TAF3: variants seen among roughly 807,000 people sequenced by gnomAD.
TAF3 encodes TATA-box binding protein associated factor 3, also known as transcription initiation factor TFIID subunit 3.
Under a neutral mutation model 80.6 loss-of-function variants are expected in TAF3, and 7 were observed. That is an observed-to-expected ratio of 0.09 (90% CI 0.05 to 0.16). The LOEUF (loss-of-function observed/expected upper bound fraction) is 0.16. Ranked by LOEUF, TAF3 falls within the 10% of genes least tolerant of loss-of-function variation. TAF3 has a pLI of 1.00. For missense variants in TAF3, 921 were observed against 1,140.2 expected (o/e 0.81, Z 2.77); for synonymous variants, 444 against 446.1 (o/e 1.00, Z 0.06).
chr10:7,997,770 G>A (rs1368757319), intron 4 of TAF3, among the ~76,000 whole-genome samples: 2 of 152,078 alleles, frequency 1.3e-5, no homozygotes, highest in African/African-American at 2.4e-5. Flanking sequence ...AACTTACTAT[G>A]CAATTAAACA....
chr10:7,839,907 T>G (rs1255006176), intron 2 of TAF3, among the ~76,000 whole-genome samples: 1 of 152,108 alleles, frequency 6.6e-6, no homozygotes, highest in Non-Finnish European at 1.5e-5. Flanking sequence ...GCATGGAGAG[T>G]AGAAGTCCCA....
At chr10:7,951,932 A>T (rs1838086634) in intron 2 of TAF3, among the ~76,000 whole-genome samples, 1 of 152,206 alleles carries the variant, frequency 6.6e-6, no homozygotes, top group African/African-American at 2.4e-5. Context: ...TTTCTGATAG[A>T]TAAATGGCTA....
At chr10:7,843,008 C>T (rs532668384) in intron 2 of TAF3, among the ~76,000 whole-genome samples, 2 of 152,202 alleles carry the variant, frequency 1.3e-5, no homozygotes, top group Non-Finnish European at 2.9e-5. Context: ...ACATGCTTTG[C>T]ACCTGCTAGG....
In TAF3 at chr10:7,965,530, G is replaced by A; in HGVS notation, c.2020G>A (p.Val674Ile). The A allele has an allele frequency of 6.2e-7, 1 of 1,603,108 alleles. No individual in the cohort carries two copies. The highest frequency in any genetic ancestry group is 8.5e-7 in the Non-Finnish European group (1 of 1,177,484). The change falls in exon 3 of 7, where the codon GTC becomes ATC. Residue 674 changes from valine (V) to isoleucine (I), a missense_variant. By Grantham distance (29) the Val-to-Ile change is conservative. This residue lies in a region of TAF3 where 743 missense variants were observed against 821.0 expected (regional missense o/e 0.90). Transcript: ENST00000344293. Reference sequence around the variant, plus strand: ...GTTCAGCCCTGCCACAGCCTCCAGGGTCCCAGCCATGCTGCCATCTTTGTT... The same window carrying A: ...GTTCAGCCCTGCCACAGCCTCCAGGATCCCAGCCATGCTGCCATCTTTGTT... The part of the protein sequence containing the change: ...PLFSPATASR[V>I]PAMLPSLLPV...
intron 2 of TAF3, among the ~76,000 whole-genome samples, chr10:7,863,917 T>C (rs1837182954): frequency 6.6e-6 from 1 of 151,924 alleles, no homozygotes; most frequent in South Asian, 2.1e-4. Flanking sequence ...TTTTTTTCTT[T>C]AACAATAGAC....
At chr10:8,000,061 T>G (rs1452774363) in intron 4 of TAF3, among the ~76,000 whole-genome samples, 1 of 152,248 alleles carries the variant, frequency 6.6e-6, no homozygotes, top group Non-Finnish European at 1.5e-5. Flanking sequence ...CAAGCCATCC[T>G]TAAAAATTCC....
intron 2 of TAF3, among the ~76,000 whole-genome samples, chr10:7,853,193 A>T (rs1011107526): frequency 1.3e-5 from 2 of 152,232 alleles, no homozygotes; most frequent in East Asian, 3.8e-4. Context: ...ATAATTAAAT[A>T]AATTATACTA....
At chr10:7,972,440 A>G (rs1429343352) in intron 3 of TAF3, among the ~76,000 whole-genome samples, 1 of 152,192 alleles carries the variant, frequency 6.6e-6, no homozygotes, top group East Asian at 1.9e-4. Flanking sequence ...GTTTTTAGAT[A>G]TATCCTGGTT....
chr10:7,952,739 G>C (rs1223648459), intron 2 of TAF3, among the ~76,000 whole-genome samples: 5 of 152,052 alleles, frequency 3.3e-5, no homozygotes, highest in Non-Finnish European at 7.4e-5. Context: ...TTGTGTTATT[G>C]ATTGGTTGTA....
intron 1 of TAF3, among the ~76,000 whole-genome samples, chr10:7,819,986 C>T (rs895025164): frequency 6.6e-6 from 1 of 152,112 alleles, no homozygotes; most frequent in Non-Finnish European, 1.5e-5. Flanking sequence ...GGCTAAAAAT[C>T]GAAACTCTTA....
chr10:7,983,775 G>A (rs951245127), intron 4 of TAF3, among the ~76,000 whole-genome samples: 3 of 152,082 alleles, frequency 2.0e-5, no homozygotes, highest in Non-Finnish European at 4.4e-5. Flanking sequence ...GGAACTCAAG[G>A]CTACAGTGAG....
chr10:7,957,422 A>G (rs1838146460), intron 2 of TAF3, among the ~76,000 whole-genome samples: 1 of 152,154 alleles, frequency 6.6e-6, no homozygotes, highest in Non-Finnish European at 1.5e-5. Context: ...AATCTTCTCA[A>G]AAGGGTTACA....
At chr10:7,940,255 G>C (rs566657435) in intron 2 of TAF3, among the ~76,000 whole-genome samples, 1 of 152,274 alleles carries the variant, frequency 6.6e-6, no homozygotes, top group African/African-American at 2.4e-5. Flanking sequence ...TGTGGAGTCT[G>C]AAAACATTTA....
chr10:7,975,196 T>C, intron 3 of TAF3: 1 of 189,436 alleles, frequency 5.3e-6, no homozygotes, highest in Non-Finnish European at 1.1e-5. Flanking sequence ...CAGATGCTAG[T>C]GTAATTGTGG....
At chr10:7,863,480 C>T (rs1406622039) in intron 2 of TAF3, among the ~76,000 whole-genome samples, 2 of 150,546 alleles carry the variant, frequency 1.3e-5, no homozygotes, top group African/African-American at 2.4e-5. Flanking sequence ...TGTGGTGGTG[C>T]ACACCTGTTA....
At chr10:7,908,724 C>T (rs1170301138) in intron 2 of TAF3, among the ~76,000 whole-genome samples, 1 of 152,210 alleles carries the variant, frequency 6.6e-6, no homozygotes, top group South Asian at 2.1e-4. Flanking sequence ...GCCACAAAAC[C>T]CTTTCTTCAA....
chr10:7,898,545 CAAAAAAAAAAA>C (rs35137273), intron 2 of TAF3, among the ~76,000 whole-genome samples: 30 of 96,172 alleles, frequency 3.1e-4, no homozygotes, highest in African/African-American at 4.4e-4. Context: ...GACTCTGTCT[CAAAAAAAAAAA>C]AAAAAAAAAA....
chr10:7,856,748 A>G (rs1837083766), intron 2 of TAF3, among the ~76,000 whole-genome samples: 1 of 152,054 alleles, frequency 6.6e-6, no homozygotes, highest in Non-Finnish European at 1.5e-5. Flanking sequence ...TTGTTATACC[A>G]AGTAGCAAGG....
At position 7,835,179 on chromosome 10, in the gene TAF3, A is replaced by G. The variant is rs535375911; in HGVS notation, c.409+10619A>G. Among the ~76,000 whole-genome samples the G allele has an allele frequency of 3.9e-3, 599 of 152,346 alleles. 5 individuals are homozygous for G. The highest frequency in any genetic ancestry group is 0.013 in the African/African-American group (561 of 41,568). ...AAGAAGAAGGATTGTCTTTGGCCAC[A>G]CATAAAATACACTAACACCATCGAT... On this transcript the variant is annotated intron_variant, in intron 2 of 6. Transcript: ENST00000344293.
Sources: allele counts gnomAD v4.1 joint callset (sites outside exome capture counted in the v4.1 genomes callset), GRCh38; gene constraint gnomAD v4.1.1; regional missense constraint gnomAD v4.1.1; transcripts MANE v1.5; gene names NCBI Gene and HGNC (gene_info 2026-07-23, HGNC 2026-07-21).